Variants in GNB2 observed in about 807,000 individuals in gnomAD.
The protein encoded by GNB2 is G protein subunit beta 2.
A neutral mutation model predicts 40.7 loss-of-function variants in GNB2; 7 were observed. The observed-to-expected ratio is 0.17, with a 90% CI of 0.10 to 0.32. The LOEUF is 0.32. Ranked by LOEUF, GNB2 falls within the 10% of genes least tolerant of loss-of-function variation. GNB2 has a pLI of 1.00. For synonymous variants in GNB2, 254 were observed against 191.2 expected, an observed-to-expected ratio of 1.33 and a Z score of -2.71; for missense variants, 286 against 473.0, an observed-to-expected ratio of 0.60 and a Z score of 3.67.
Position 100,673,832 on chromosome 7 carries a change from G to GC in GNB2, c.-179dup, listed in dbSNP as rs1804292965. 5.3e-6 allele frequency: 1 copy of GC among 189,014 alleles called. No homozygotes were observed. Among genetic ancestry groups the GC allele is most frequent in the African/African-American group, 2.4e-5 (1 of 41,294 alleles). 11.7% of individuals were successfully genotyped at this position (189,014 alleles called of 1,614,324 possible). A position where few individuals can be genotyped will look rare whatever the true frequency, so the allele number is the denominator to read the frequency against. On this transcript the variant is annotated 5_prime_UTR_variant, in exon 1 of 10. Transcript: ENST00000303210. ...ATCCATCCGCGCCGCCGCCGCCGCC[G>GC]CCGCCGCCGCCGCCGCCGCCTCCGC... is the stretch of plus-strand genomic sequence containing the variant.
intron 4 of GNB2, 185 bp from the exon 5 acceptor site, chr7:100,677,167 C>G: frequency 3.3e-6 from 2 of 609,250 alleles, no homozygotes; most frequent in South Asian, 3.8e-5. Context: ...CCCAGCTATG[C>G]GGGGGAGGCT....
Position 100,676,246 on chromosome 7 carries a change from T to C in GNB2, c.-20T>C. ...CGCGGCCCCCAGCCGCCCCCAACCC[T>C]GCCCCACGGGCCCGGCGCCATGAGT... is the stretch of plus-strand genomic sequence containing the variant. On this transcript the variant is annotated 5_prime_UTR_variant, in exon 2 of 10. Coordinates refer to ENST00000303210, the MANE Select transcript of GNB2 (RefSeq NM_005273.4). 7.0e-7 allele frequency: 1 copy of C among 1,427,620 alleles called. No individual in the cohort carries two copies. Among genetic ancestry groups the C allele is most frequent in the Non-Finnish European group, 9.6e-7 (1 of 1,042,806 alleles). 88.4% of individuals were successfully genotyped at this position (1,427,620 alleles called of 1,614,324 possible).
intron 1 of GNB2, chr7:100,675,454 G>T (rs1366839760): frequency 1.3e-5 from 2 of 151,196 alleles, no homozygotes; most frequent in Non-Finnish European, 3.0e-5. Flanking sequence ...GAGCCGTCCA[G>T]AACCTATTAG....
Position 100,678,197 on chromosome 7 carries a change from T to A in GNB2, c.597T>A (p.Phe199Leu). The change falls in exon 8 of 10, where the codon TTT (phenylalanine) becomes TTA (leucine). Residue 199 changes from phenylalanine (F) to leucine (L), a missense_variant. Phe to Leu is a conservative substitution (Grantham distance 22). Transcript: ENST00000303210. ...SLSLAPDGRT[F>L]VSGACDASIK... Reference sequence around the variant, plus strand: ...CCCTGGCCCCCGATGGCCGCACGTTTGTGTCAGGCGCCTGTGATGCCTCTA... The same window carrying A: ...CCCTGGCCCCCGATGGCCGCACGTTAGTGTCAGGCGCCTGTGATGCCTCTA... 1 of 1,614,000 alleles carries A rather than the reference T, an allele frequency of 6.2e-7. No homozygotes were observed. Among genetic ancestry groups the A allele is most frequent in the Non-Finnish European group, 8.5e-7 (1 of 1,179,870 alleles).
intron 2 of GNB2, 29 bp downstream of exon 2, chr7:100,676,351 C>T (rs1444336659): frequency 6.4e-7 from 1 of 1,570,000 alleles, no homozygotes; most frequent in Non-Finnish European, 8.7e-7. Context: ...GCGGGCGATT[C>T]ATGTGTACAC....
chr7:100,677,477 G>A (rs1282495357), intron 5 of GNB2, 21 bp from the exon 6 acceptor site: 25 of 1,613,038 alleles, frequency 1.5e-5, no homozygotes, highest in South Asian at 3.3e-5. Context: ...CTCTGACCCC[G>A]GCGCTTCCCC....
chr7:100,678,304 G>A lies in GNB2; in HGVS notation c.699+5G>A. 6.2e-7 allele frequency: 1 copy of A among 1,612,730 alleles called. No individual in the cohort carries two copies. The highest frequency in any genetic ancestry group is 8.5e-7 in the Non-Finnish European group (1 of 1,179,306). On this transcript the variant is annotated splice_donor_5th_base_variant and intron_variant, in intron 8 of 9. Transcript: ENST00000303210. ...TCCGACATCAATGCAGTGGCTGTGA[G>A]TTTTGGGGCGAGCTAGGCCAGGCCC... is the stretch of plus-strand genomic sequence containing the variant.
intron 8 of GNB2, 38 bp downstream of exon 8, chr7:100,678,337 C>T: frequency 3.1e-6 from 5 of 1,604,130 alleles, no homozygotes; most frequent in Non-Finnish European, 4.3e-6. Flanking sequence ...CCCTCCCCAC[C>T]AGGCTCCCGG....
chr7:100,678,968 A>C lies in GNB2; in HGVS notation c.*167A>C. On this transcript the variant is annotated 3_prime_UTR_variant, in exon 10 of 10. Coordinates refer to ENST00000303210, the MANE Select transcript of GNB2 (RefSeq NM_005273.4). ...GTTCCTCCCGGGGCCCCCACTGTGGAGATAAGAAGGGGATGGAATGGGGGA... is the reference window on the plus strand; with the variant it reads ...GTTCCTCCCGGGGCCCCCACTGTGGCGATAAGAAGGGGATGGAATGGGGGA... The C allele has an allele frequency of 1.7e-6, 1 of 602,416 alleles. No individual in the cohort carries two copies. The highest frequency in any genetic ancestry group is 3.0e-6 in the Non-Finnish European group (1 of 335,062). 37.3% of individuals were successfully genotyped at this position (602,416 alleles called of 1,614,324 possible). A position where few individuals can be genotyped will look rare whatever the true frequency, so the allele number is the denominator to read the frequency against.
At chr7:100,674,185 C>G (rs1026238583) in intron 1 of GNB2, among the ~76,000 whole-genome samples, 1 of 151,992 alleles carries the variant, frequency 6.6e-6, no homozygotes, top group African/African-American at 2.4e-5. Context: ...CCCCGACTGC[C>G]TCTTGCTCCC....
rs1804428661 is a variant in GNB2, at chr7:100,678,854, C to T, written c.*53C>T. On this transcript the variant is annotated 3_prime_UTR_variant, in exon 10 of 10. Coordinates refer to ENST00000303210, the MANE Select transcript of GNB2 (RefSeq NM_005273.4). ...AGGAGGGGCCCTGCCCATGCCCACACTACAGGCCAGGGCTGCGGGGCTGGC... is the reference window on the plus strand; with the variant it reads ...AGGAGGGGCCCTGCCCATGCCCACATTACAGGCCAGGGCTGCGGGGCTGGC... The T allele has an allele frequency of 1.4e-6, 2 of 1,384,848 alleles. No individual in the cohort carries two copies. Among genetic ancestry groups the T allele is most frequent in the African/African-American group, 1.4e-5 (1 of 70,540 alleles). The allele number at this position is 1,384,848 out of a possible 1,614,324, so 85.8% of individuals were successfully genotyped here.
rs1405382942 is a variant in GNB2, at chr7:100,678,925, C to T, written c.*124C>T. 1.4e-6 allele frequency: 1 copy of T among 716,700 alleles called. No individual in the cohort carries two copies. The highest frequency in any genetic ancestry group is 2.3e-6 in the Non-Finnish European group (1 of 427,058). 44.4% of individuals were successfully genotyped at this position (716,700 alleles called of 1,614,324 possible). ...CGGGCCACGGGGCCTTGGGTCCCTG[C>T]CCTCCCACCCAGGTTTGGTTCCTCC... On this transcript the variant is annotated 3_prime_UTR_variant, in exon 10 of 10. Transcript: ENST00000303210.
chr7:100,677,205 A>C lies in GNB2; in HGVS notation c.204-147A>C, dbSNP rs1286693231. ...GGTGGGAGGATCACTTGAGCCTAGGAGTTCCAGGCTGCAGTGAGCTGTGAT... is the reference window on the plus strand; with the variant it reads ...GGTGGGAGGATCACTTGAGCCTAGGCGTTCCAGGCTGCAGTGAGCTGTGAT... On this transcript the variant is annotated intron_variant, in intron 4 of 9. Transcript: ENST00000303210. 3 of 648,440 alleles carry C rather than the reference A, an allele frequency of 4.6e-6. No homozygotes were observed. In the East Asian group the frequency reaches 8.2e-5, roughly 18 times the overall value. 40.2% of individuals were successfully genotyped at this position (648,440 alleles called of 1,614,324 possible).
intron 7 of GNB2, 120 bp from the exon 8 acceptor site, chr7:100,677,978 C>G (rs1804392659): frequency 3.8e-6 from 4 of 1,045,136 alleles, no homozygotes; most frequent in Admixed American, 2.0e-5. Context: ...ACCTAAGGCT[C>G]TGAGAAGAGC....
In GNB2 at chr7:100,676,130, C is replaced by T. The variant is rs543852383; in HGVS notation, c.-89-47C>T. ...CGCGCTGCAACCCCGCCTTTCTCCC[C>T]ACTTCCCCGGCGGCCTCGGGCCTGA... is the stretch of plus-strand genomic sequence containing the variant. On this transcript the variant is annotated intron_variant, in intron 1 of 9. Transcript: ENST00000303210. 1,062 of 569,176 alleles carry T rather than the reference C, an allele frequency of 1.9e-3. 1 individual carries two copies. Among genetic ancestry groups the T allele is most frequent in the Non-Finnish European group, 2.8e-3 (914 of 325,388 alleles). The allele number at this position is 569,176 out of a possible 1,614,324, so 35.3% of individuals were successfully genotyped here. A position where few individuals can be genotyped will look rare whatever the true frequency, so the allele number is the denominator to read the frequency against.
intron 8 of GNB2, 44 bp from the exon 9 acceptor site, chr7:100,678,354 T>TCCTCAC (rs561037473): frequency 2.5e-4 from 404 of 1,601,976 alleles, no homozygotes; most frequent in Non-Finnish European, 2.9e-4. Flanking sequence ...CCGGCCCTGC[T>TCCTCAC]CCTCACCCTC....
intron 4 of GNB2, 185 bp from the exon 5 acceptor site, chr7:100,677,167 C>T (rs933964752): frequency 2.0e-5 from 12 of 609,132 alleles, no homozygotes; most frequent in African/African-American, 1.5e-4. Context: ...CCCAGCTATG[C>T]GGGGGAGGCT....
At chr7:100,675,193 C>T (rs1804322820) in intron 1 of GNB2, 1 of 150,750 alleles carries the variant, frequency 6.6e-6, no homozygotes, top group Admixed American at 6.6e-5. Context: ...GTCCAGGGCG[C>T]CGCGGCCAGG....
chr7:100,677,719 T>C, intron 6 of GNB2, 33 bp from the exon 7 acceptor site: 1 of 1,612,798 alleles, frequency 6.2e-7, no homozygotes, highest in Non-Finnish European at 8.5e-7. Flanking sequence ...CTGCCCTCCG[T>C]GTGGAGACCT....
Sources: gnomAD v4.1 joint callset for allele counts (sites outside exome capture counted in the v4.1 genomes callset) on GRCh38, gnomAD v4.1.1 for gene constraint, MANE v1.5 for transcripts, NCBI Gene and HGNC (gene_info 2026-07-23, HGNC 2026-07-21) for gene names.